The following SGSM1 variants were observed in gnomAD, a reference collection of about 807,000 sequenced individuals.
The protein encoded by SGSM1 is small G protein signaling modulator 1, also known as RUN and TBC1 domain containing 2.
A neutral mutation model predicts 133.8 loss-of-function variants in SGSM1; 73 were observed. The ratio of observed to expected loss-of-function variants is 0.55; its 90% CI spans 0.45 to 0.66. The LOEUF (loss-of-function observed/expected upper bound fraction) is 0.66. SGSM1 is among the 30% of genes least tolerant of loss of function. SGSM1 has a pLI of 0.00. For missense variants in SGSM1, 1,213 were observed against 1,448.1 expected (o/e 0.84, Z 2.64); for synonymous variants, 563 against 573.0 (o/e 0.98, Z 0.25).
At chr22:24,920,271 A>G (rs1490498561) in intron 24 of SGSM1, among the ~76,000 whole-genome samples, 1 of 152,198 alleles carries the variant, frequency 6.6e-6, no homozygotes, top group Non-Finnish European at 1.5e-5. Context: ...CCCATGGTCA[A>G]GTCACTTCCC....
chr22:24,809,890 G>A (rs888612994), intron 2 of SGSM1, among the ~76,000 whole-genome samples: 1 of 152,340 alleles, frequency 6.6e-6, no homozygotes, highest in Admixed American at 6.5e-5. Flanking sequence ...AGGGGCCCAG[G>A]ATATGACGTT....
In SGSM1 at chr22:24,917,813, A is replaced by G. The variant is rs1933872213; in HGVS notation, c.3025+59A>G. ...CTCTTTGTAGCAGAACTTTCAGGGG[A>G]AAAGATCCCGTGGAGGTGAGGTTGA... On this transcript the variant is annotated intron_variant, in intron 23 of 24. Transcript: ENST00000400358. 2.8e-6 allele frequency: 4 copies of G among 1,446,340 alleles called. No homozygotes were observed. In the South Asian group the frequency reaches 3.7e-5, roughly 13 times the overall value. The allele number at this position is 1,446,340 out of a possible 1,614,324, so 89.6% of individuals were successfully genotyped here.
chr22:24,842,258 G>A (rs1426144052), intron 2 of SGSM1, among the ~76,000 whole-genome samples: 5 of 152,184 alleles, frequency 3.3e-5, no homozygotes, highest in Middle Eastern at 3.4e-3. Flanking sequence ...GTTGCAGAAG[G>A]AGCTCAGCCC....
chr22:24,905,436 CA>C (rs1003769284), intron 21 of SGSM1, among the ~76,000 whole-genome samples: 2 of 151,568 alleles, frequency 1.3e-5, no homozygotes, highest in African/African-American at 4.8e-5. Context: ...AACAAACAAA[CA>C]AAACAAAAAA....
At chr22:24,849,432 A>G (rs1930329026) in intron 4 of SGSM1, among the ~76,000 whole-genome samples, 1 of 152,166 alleles carries the variant, frequency 6.6e-6, no homozygotes, top group South Asian at 2.1e-4. Flanking sequence ...GCATGCCTGT[A>G]ATCCCAGCTA....
Position 24,898,275 on chromosome 22 carries a change from C to G in SGSM1, c.2326C>G (p.Leu776Val). 1.2e-6 allele frequency: 2 copies of G among 1,613,854 alleles called. No individual in the cohort carries two copies. Among genetic ancestry groups the G allele is most frequent in the Non-Finnish European group, 1.7e-6 (2 of 1,179,802 alleles). Residue 776 changes from leucine to valine, a missense_variant, in exon 19 of 25, where the codon CTG becomes GTG. Transcript: ENST00000400358. Reference sequence around the variant, plus strand: ...TCAGGATGAGGCTCCCCGGGAGGAGCTGGCCGTGCAGGACAGCCTGGAGAG... The same window carrying G: ...TCAGGATGAGGCTCCCCGGGAGGAGGTGGCCGTGCAGGACAGCCTGGAGAG... ...TSQDEAPREE[L>V]AVQDSLESDL...
At chr22:24,902,703 A>T (rs1285820905) in intron 20 of SGSM1, among the ~76,000 whole-genome samples, 2 of 147,576 alleles carry the variant, frequency 1.4e-5, no homozygotes, top group African/African-American at 2.7e-5. Flanking sequence ...AGTAATAAAA[A>T]TAATAAAAAT....
intron 9 of SGSM1, among the ~76,000 whole-genome samples, chr22:24,862,256 A>G (rs1265637140): frequency 6.6e-6 from 1 of 152,008 alleles, no homozygotes; most frequent in Non-Finnish European, 1.5e-5. Context: ...GGCCACCCAG[A>G]GTCTAGAGTT....
intron 12 of SGSM1, among the ~76,000 whole-genome samples, chr22:24,870,884 A>G (rs1463201379): frequency 6.6e-6 from 1 of 152,164 alleles, no homozygotes; most frequent in East Asian, 1.9e-4. Context: ...AGTTACCTCT[A>G]TTGGTAACTT....
In SGSM1 at chr22:24,898,380, G is replaced by A. The variant is rs377647018; in HGVS notation, c.2431G>A (p.Asp811Asn). 14 of 1,613,754 alleles carry A rather than the reference G, an allele frequency of 8.7e-6. No individual in the cohort carries two copies. Among genetic ancestry groups the A allele is most frequent in the East Asian group, 2.2e-5 (1 of 44,876 alleles). ...GGACATGGCCCTGCCTGAAAAGGAC[G>A]ATGTTGTGATGGAGGGCTGGAGGAG... is the stretch of plus-strand genomic sequence containing the variant. ...SLDMALPEKD[D>N]VVMEGWRSSE... Residue 811 changes from aspartate (D) to asparagine (N), a missense_variant, in exon 19 of 25, where the codon GAT (aspartate) becomes AAT (asparagine). By Grantham distance (23) the Asp-to-Asn change is conservative (BLOSUM62 1). Coordinates refer to ENST00000400358, the MANE Select transcript of SGSM1 (RefSeq NM_001098497.3).
At chr22:24,922,722 C>T (rs112757077) in intron 24 of SGSM1, among the ~76,000 whole-genome samples, 29,195 of 152,038 alleles carry the variant, frequency 0.19, 2,884 homozygotes, top group South Asian at 0.28. Context: ...ATGATCCACC[C>T]GCCTCGGCCT....
At chr22:24,886,958 T>C (rs1932641602) in intron 16 of SGSM1, among the ~76,000 whole-genome samples, 2 of 152,046 alleles carry the variant, frequency 1.3e-5, no homozygotes, top group Non-Finnish European at 2.9e-5. Context: ...AAGAAATTAA[T>C]GTGGAGAACT....
intron 2 of SGSM1, among the ~76,000 whole-genome samples, chr22:24,829,639 C>G (rs1184187118): frequency 6.6e-6 from 1 of 152,166 alleles, no homozygotes; most frequent in African/African-American, 2.4e-5. Flanking sequence ...AACAAGGGCC[C>G]TGGATCTGAC....
Position 24,870,309 on chromosome 22 carries a change from G to A in SGSM1, c.1291+1454G>A, listed in dbSNP as rs555289709. Reference sequence around the variant, plus strand: ...AAATCCCCTGGGATGTTGAGCCAGCGTCTGTTCTGTTGCCCATGAACTTGG... The same window carrying A: ...AAATCCCCTGGGATGTTGAGCCAGCATCTGTTCTGTTGCCCATGAACTTGG... On this transcript the variant is annotated intron_variant, in intron 12 of 24. Transcript: ENST00000400358. Among the ~76,000 whole-genome samples the A allele has an allele frequency of 1.1e-4, 17 of 152,310 alleles. No individual in the cohort carries two copies. In the South Asian group the frequency reaches 2.7e-3, roughly 24 times the overall value.
intron 2 of SGSM1, among the ~76,000 whole-genome samples, chr22:24,838,038 C>T (rs972103560): frequency 5.3e-5 from 8 of 152,140 alleles, no homozygotes; most frequent in Non-Finnish European, 7.3e-5. Flanking sequence ...AAGCTTTCTC[C>T]GTTTTCTTGT....
rs990903907 is a variant in SGSM1, at chr22:24,895,271, G to T, written c.2002G>T (p.Asp668Tyr). 8.1e-6 allele frequency: 13 copies of T among 1,611,738 alleles called. No individual in the cohort carries two copies. Among genetic ancestry groups the T allele is most frequent in the Non-Finnish European group, 1.1e-5 (13 of 1,179,134 alleles). Residue 668 changes from aspartate to tyrosine, a missense_variant, in exon 18 of 25, where the codon GAC becomes TAC. Coordinates refer to ENST00000400358, the MANE Select transcript of SGSM1 (RefSeq NM_001098497.3). ...SGRQNIRLHS[D>Y]SSSSTQVFES... is the part of the protein sequence containing the mutation. ...CCGCCAGAACATCCGCCTGCACAGC[G>T]ACTCCAGCAGCAGCACACAGGTGAC...
chr22:24,889,168 G>A (rs1478066617), intron 16 of SGSM1, among the ~76,000 whole-genome samples: 1 of 151,866 alleles, frequency 6.6e-6, no homozygotes, highest in African/African-American at 2.4e-5. Context: ...CACCATGTTG[G>A]CCAGGCTGGT....
chr22:24,885,809 C>T (rs947621974), intron 15 of SGSM1, among the ~76,000 whole-genome samples: 2 of 151,718 alleles, frequency 1.3e-5, no homozygotes, highest in South Asian at 2.1e-4. Context: ...CGCATGTTCA[C>T]CCATTGATGC....
chr22:24,882,318 C>T (rs1270515798), intron 14 of SGSM1, among the ~76,000 whole-genome samples: 3 of 152,106 alleles, frequency 2.0e-5, no homozygotes, highest in Non-Finnish European at 2.9e-5. Context: ...GATCTGCCCA[C>T]CTAGGCTTCC....
Sources: gnomAD v4.1 joint callset for allele counts (sites outside exome capture counted in the v4.1 genomes callset) on GRCh38, gnomAD v4.1.1 for gene constraint, MANE v1.5 for transcripts, NCBI Gene and HGNC (gene_info 2026-07-23, HGNC 2026-07-21) for gene names.